Variants in PDGFRL observed in about 807,000 individuals in gnomAD.
PDGFRL encodes platelet-derived growth factor receptor-like protein.
Under a neutral mutation model 37.2 loss-of-function variants are expected in PDGFRL, and 46 were observed. The observed-to-expected ratio is 1.24, with a 90% CI of 0.98 to 1.58. The LOEUF is 1.58. Ranked by LOEUF, PDGFRL falls within the 40% of genes most tolerant of loss-of-function variation. The pLI, the probability that PDGFRL is intolerant of heterozygous loss-of-function variation, is 0.00. For missense variants in PDGFRL, 692 were observed against 467.6 expected, an observed-to-expected ratio of 1.48 and a Z score of -4.43; for synonymous variants, 251 against 184.3, an observed-to-expected ratio of 1.36 and a Z score of -2.93.
chr8:17,597,109 C>G (rs1229974629), intron 2 of PDGFRL, among the ~76,000 whole-genome samples: 2 of 152,152 alleles, frequency 1.3e-5, no homozygotes, highest in African/African-American at 4.8e-5. Flanking sequence ...CAACCTCTAC[C>G]TCTCATGTTC....
intron 2 of PDGFRL, among the ~76,000 whole-genome samples, chr8:17,592,811 G>A (rs1334742234): frequency 1.3e-5 from 2 of 152,016 alleles, no homozygotes; most frequent in African/African-American, 2.4e-5. Context: ...CAACATCTTT[G>A]TTTTTCACTG....
intron 3 of PDGFRL, among the ~76,000 whole-genome samples, chr8:17,624,656 C>T (rs576898718): frequency 2.0e-5 from 3 of 152,156 alleles, no homozygotes; most frequent in Non-Finnish European, 2.9e-5. Flanking sequence ...CCTATAATCC[C>T]CTAGCACTTT....
chr8:17,597,871 G>A (rs76765228), intron 2 of PDGFRL, among the ~76,000 whole-genome samples: 3,549 of 152,204 alleles, frequency 0.023, 117 homozygotes, highest in African/African-American at 0.069. Flanking sequence ...CAATATTTCA[G>A]TAAGTTAATG....
At chr8:17,640,974 G>C (rs1390317380) in intron 5 of PDGFRL, among the ~76,000 whole-genome samples, 2 of 152,012 alleles carry the variant, frequency 1.3e-5, no homozygotes, top group African/African-American at 4.8e-5. Context: ...CTGGCGGTGT[G>C]GTTCTCAGGC....
chr8:17,614,877 C>T (rs1245671444), intron 2 of PDGFRL, among the ~76,000 whole-genome samples: 4 of 152,192 alleles, frequency 2.6e-5, no homozygotes, highest in Non-Finnish European at 4.4e-5. Flanking sequence ...GCTTCAAATT[C>T]TTCTCTGGCA....
chr8:17,587,894 T>C (rs889428573), intron 1 of PDGFRL, among the ~76,000 whole-genome samples: 5 of 152,028 alleles, frequency 3.3e-5, no homozygotes, highest in Non-Finnish European at 7.4e-5. Context: ...CCTCCCAAAA[T>C]GCTGGGATTA....
rs140137425 is a variant in PDGFRL, at chr8:17,592,916, GCACACACACACACACA to G, written c.353+3171_353+3186del. Among the ~76,000 whole-genome samples the G allele has an allele frequency of 5.4e-4, 16 of 29,584 alleles. No individual in the cohort carries two copies. In the Non-Finnish European group the frequency reaches 0.014, roughly 26 times the overall value. The allele number at this position is 29,584 out of a possible 152,430, so 19.4% of individuals were successfully genotyped here. A position where few individuals can be genotyped will look rare whatever the true frequency, so the allele number is the denominator to read the frequency against. The stretch of plus-strand genomic sequence containing the variant: ...TTGTCCTTCTTAAACCCACATACAT[GCACACACACACACACA>G]CACACACACACACACACACTACTCT... On this transcript the variant is annotated intron_variant, in intron 2 of 5. Transcript: ENST00000251630.
At chr8:17,593,256 T>G (rs1319554692) in intron 2 of PDGFRL, among the ~76,000 whole-genome samples, 1 of 151,868 alleles carries the variant, frequency 6.6e-6, no homozygotes, top group African/African-American at 2.4e-5. Context: ...ACTATATATA[T>G]TTATGTACAG....
intron 1 of PDGFRL, among the ~76,000 whole-genome samples, chr8:17,589,010 C>T (rs1054532527): frequency 3.3e-5 from 5 of 152,090 alleles, no homozygotes; most frequent in Non-Finnish European, 7.3e-5. Context: ...ATGATAATTA[C>T]ATGACTTTTA....
chr8:17,577,283 C>A lies in PDGFRL; in HGVS notation c.31C>A (p.Leu11Met), dbSNP rs773618356. The change falls in exon 1 of 6, where the codon CTG becomes ATG. Residue 11 changes from leucine (L) to methionine (M), a missense_variant. Coordinates refer to ENST00000251630, the MANE Select transcript of PDGFRL (RefSeq NM_001372073.1). MKVWLLLGLL[L>M]VHEALEDVTG... The stretch of plus-strand genomic sequence containing the variant: ...GGTCTGGCTGCTGCTTGGTCTTCTG[C>A]TGGTGCACGAAGCGCTGGAGGATGG... The A allele has an allele frequency of 3.7e-6, 6 of 1,613,002 alleles. No individual in the cohort carries two copies. In the Admixed American group the frequency reaches 1.0e-4, roughly 27 times the overall value.
chr8:17,620,931 C>G (rs1804617037), intron 2 of PDGFRL, 120 bp from the exon 3 acceptor site: 3 of 495,856 alleles, frequency 6.1e-6, no homozygotes, highest in South Asian at 5.6e-5. Context: ...TTATATTACT[C>G]TATGACATCG....
intron 2 of PDGFRL, among the ~76,000 whole-genome samples, chr8:17,613,452 C>G (rs546118997): frequency 6.6e-6 from 1 of 152,050 alleles, no homozygotes; most frequent in African/African-American, 2.4e-5. Context: ...CGCAGTATGG[C>G]GGGCAGAGTC....
At chr8:17,614,984 CA>C (rs1249801987) in intron 2 of PDGFRL, among the ~76,000 whole-genome samples, 1 of 152,164 alleles carries the variant, frequency 6.6e-6, no homozygotes, top group Non-Finnish European at 1.5e-5. Flanking sequence ...ACTTATCTCT[CA>C]GGGCTTCATG....
At chr8:17,632,398 T>C (rs1804881473) in intron 4 of PDGFRL, among the ~76,000 whole-genome samples, 2 of 151,944 alleles carry the variant, frequency 1.3e-5, no homozygotes, top group East Asian at 3.9e-4. Context: ...TGGAGTGCAG[T>C]GGTGTGATCT....
At position 17,593,566 on chromosome 8, in the gene PDGFRL, C is replaced by A. The variant is rs1257105228; in HGVS notation, c.353+3801C>A. Among the ~76,000 whole-genome samples, 3 of 151,034 alleles carry A rather than the reference C, an allele frequency of 2.0e-5. No homozygotes were observed. The East Asian group carries it at 5.9e-4, about 30-fold the overall frequency. On this transcript the variant is annotated intron_variant, in intron 2 of 5. Transcript: ENST00000251630. ...TGAGCCGTGATCATACCACTATATT[C>A]CAACCTGGGCAACAGGAGTGAGACT...
At chr8:17,630,695 A>G (rs574310825) in intron 4 of PDGFRL, among the ~76,000 whole-genome samples, 4 of 152,280 alleles carry the variant, frequency 2.6e-5, no homozygotes, top group African/African-American at 9.6e-5. Flanking sequence ...GAGAGAGGTC[A>G]GAGGAAGTAA....
At chr8:17,587,696 C>T (rs529361586) in intron 1 of PDGFRL, among the ~76,000 whole-genome samples, 1 of 151,424 alleles carries the variant, frequency 6.6e-6, no homozygotes, top group East Asian at 2.0e-4. Flanking sequence ...GGTGTGATCT[C>T]GGCTCACTGT....
intron 2 of PDGFRL, among the ~76,000 whole-genome samples, chr8:17,598,569 T>C (rs1278331053): frequency 6.6e-6 from 1 of 152,240 alleles, no homozygotes; most frequent in Non-Finnish European, 1.5e-5. Context: ...TACTGATGTG[T>C]ACACTGCATG....
At chr8:17,591,839 C>A (rs1333064884) in intron 2 of PDGFRL, among the ~76,000 whole-genome samples, 1 of 152,142 alleles carries the variant, frequency 6.6e-6, no homozygotes, top group Non-Finnish European at 1.5e-5. Context: ...TTGCTTGAAC[C>A]TGGGAGGCGG....
Sources: allele counts gnomAD v4.1 joint callset (sites outside exome capture counted in the v4.1 genomes callset), GRCh38; gene constraint gnomAD v4.1.1; transcripts MANE v1.5; gene names NCBI Gene and HGNC (gene_info 2026-07-23, HGNC 2026-07-21).